PCDHA4: variants seen among roughly 807,000 people sequenced by gnomAD.
PCDHA4 encodes protocadherin alpha-4.
PCDHA4 carries 49 observed loss-of-function variants against 61.4 expected under a neutral mutation model. The ratio of observed to expected loss-of-function variants is 0.80; its 90% CI spans 0.63 to 1.01. The LOEUF (loss-of-function observed/expected upper bound fraction) is 1.01. Ranked by LOEUF, PCDHA4 falls within the 50% of genes least tolerant of loss-of-function variation. The pLI is 0.00. For missense variants in PCDHA4, 1,254 were observed against 1,235.8 expected, an observed-to-expected ratio of 1.01 and a Z score of -0.22; for synonymous variants, 590 against 550.3, an observed-to-expected ratio of 1.07 and a Z score of -1.01.
At chr5:140,944,438 C>T (rs1585166190) in intron 1 of PCDHA4, among the ~76,000 whole-genome samples, 2 of 152,154 alleles carry the variant, frequency 1.3e-5, no homozygotes, top group Non-Finnish European at 2.9e-5. Flanking sequence ...CTGCCTGCCT[C>T]GGCCTCCCAA....
intron 1 of PCDHA4, chr5:140,869,328 G>C: frequency 1.2e-6 from 2 of 1,613,960 alleles, no homozygotes; most frequent in Non-Finnish European, 1.7e-6. Flanking sequence ...GGGACCTTCT[G>C]GAGGTAAATC....
intron 1 of PCDHA4, among the ~76,000 whole-genome samples, chr5:140,965,923 G>T (rs1418904178): frequency 1.3e-5 from 2 of 152,232 alleles, no homozygotes; most frequent in African/African-American, 4.8e-5. Context: ...TTTTAGGCTT[G>T]CTCCCGGAAA....
chr5:140,951,667 C>A (rs180768474), intron 1 of PCDHA4, among the ~76,000 whole-genome samples: 10 of 152,274 alleles, frequency 6.6e-5, no homozygotes, highest in African/African-American at 2.4e-4. Context: ...GGCCTGCCTA[C>A]AAAATTGGGG....
rs2042381743 is a variant in PCDHA4 at position 140,852,581 on chromosome 5, T to A, written c.2385+43009T>A. ...GTGAGCCACTGTGCCAAGGCTTTTTTATTTTTTTTTTTTGTCATTTTCTTT... is the reference window on the plus strand; with the variant it reads ...GTGAGCCACTGTGCCAAGGCTTTTTAATTTTTTTTTTTTGTCATTTTCTTT... On this transcript the variant is annotated intron_variant, in intron 1 of 3. Transcript: ENST00000530339. 5 of 832,294 alleles carry A rather than the reference T, an allele frequency of 6.0e-6. 1 individual carries two copies. The highest frequency in any genetic ancestry group is 7.4e-6 in the Non-Finnish European group (5 of 678,338). 51.6% of individuals were successfully genotyped at this position (832,294 alleles called of 1,614,324 possible). A position where few individuals can be genotyped will look rare whatever the true frequency, so the allele number is the denominator to read the frequency against.
At chr5:140,968,673 A>G in intron 1 of PCDHA4, 2 of 1,614,168 alleles carry the variant, frequency 1.2e-6, no homozygotes, top group Non-Finnish European at 1.7e-6. Context: ...TTTAAGGTAG[A>G]GCTGCACACA....
chr5:141,000,657 A>T (rs1403117310), intron 3 of PCDHA4, among the ~76,000 whole-genome samples: 1 of 151,102 alleles, frequency 6.6e-6, no homozygotes, highest in Non-Finnish European at 1.5e-5. Flanking sequence ...CGAACTCCTG[A>T]CCTCAGGTGA....
chr5:140,877,844 G>A lies in PCDHA4; in HGVS notation c.2385+68272G>A, dbSNP rs945643108. The A allele has an allele frequency of 5.1e-6, 8 of 1,568,656 alleles. No homozygotes were observed. In the African/African-American group the frequency reaches 8.3e-5, roughly 16 times the overall value. ...TGTTTAAATCCTCCCAGTGAAGTAA[G>A]TTATTAATATTATTTAGATATATTT... On this transcript the variant is annotated intron_variant, in intron 1 of 3. Coordinates refer to ENST00000530339, the MANE Select transcript of PCDHA4 (RefSeq NM_018907.4).
intron 1 of PCDHA4, among the ~76,000 whole-genome samples, chr5:140,839,682 A>T (rs916562974): frequency 3.3e-5 from 5 of 152,030 alleles, no homozygotes; most frequent in African/African-American, 4.8e-5. Context: ...AACTACAGAG[A>T]TTTTTTTGGG....
intron 1 of PCDHA4, chr5:140,824,437 G>T: frequency 2.1e-6 from 1 of 479,118 alleles, no homozygotes. Flanking sequence ...CAAAGTTTCA[G>T]TTTATGACTA....
At chr5:140,920,412 ACAGCTGTTCTC>A (rs1294144005) in intron 1 of PCDHA4, among the ~76,000 whole-genome samples, 2 of 152,146 alleles carry the variant, frequency 1.3e-5, no homozygotes, top group African/African-American at 4.8e-5. Context: ...TTAATCAGAT[ACAGCTGTTCTC>A]CCACACACCT....
rs184822768 is a variant in PCDHA4 at position 140,847,338 on chromosome 5, C to A, written c.2385+37766C>A. 45 of 149,900 alleles carry A rather than the reference C, an allele frequency of 3.0e-4. 3 individuals carry two copies. In the Admixed American group the frequency reaches 3.0e-3, roughly 10 times the overall value. The allele number at this position is 149,900 out of a possible 1,614,324, so 9.3% of individuals were successfully genotyped here. On this transcript the variant is annotated intron_variant, in intron 1 of 3. Transcript: ENST00000530339. ...ACAGAAGCAATTGTTAAATGCACCT[C>A]TTAGGCTGTTATCAGTAGAAATACG... is the stretch of plus-strand genomic sequence containing the variant.
intron 1 of PCDHA4, chr5:140,875,643 G>A: frequency 6.2e-7 from 1 of 1,613,696 alleles, no homozygotes; most frequent in Non-Finnish European, 8.5e-7. Flanking sequence ...TGGAGCTGGC[G>A]GAGCTGGTGC....
At chr5:140,867,604 A>C (rs1420460822) in intron 1 of PCDHA4, 1 of 152,164 alleles carries the variant, frequency 6.6e-6, no homozygotes, top group Non-Finnish European at 1.5e-5. Flanking sequence ...GAGATAAACC[A>C]TCAAAACTAT....
At chr5:140,822,610 T>C (rs1767364157) in intron 1 of PCDHA4, 10 of 1,611,874 alleles carry the variant, frequency 6.2e-6, no homozygotes, top group Non-Finnish European at 8.5e-6. Context: ...AATAGTGTAT[T>C]TCTTTAGTAA....
chr5:141,010,381 T>C lies in PCDHA4; in HGVS notation c.*444T>C. On this transcript the variant is annotated 3_prime_UTR_variant, in exon 4 of 4. Transcript: ENST00000530339. ...ACCGCGGGTATGCGAGTGCCAGATA[T>C]TGGCTGAGACGAGCCAGCTTAGACT... 2.8e-6 allele frequency: 4 copies of C among 1,442,848 alleles called. No homozygotes were observed. The highest frequency in any genetic ancestry group is 2.8e-6 in the Non-Finnish European group (3 of 1,086,990). The allele number at this position is 1,442,848 out of a possible 1,614,324, so 89.4% of individuals were successfully genotyped here.
chr5:140,814,233 T>C (rs115891865), intron 1 of PCDHA4: 340 of 152,654 alleles, frequency 2.2e-3, no homozygotes, highest in Non-Finnish European at 4.0e-3. Context: ...TTTGTTGTTG[T>C]TGTTAAAAAT....
intron 1 of PCDHA4, chr5:140,858,620 C>G: frequency 1.8e-6 from 2 of 1,142,316 alleles, no homozygotes; most frequent in East Asian, 5.1e-5. Flanking sequence ...TTATCCTACC[C>G]AGTGTGTCAG....
intron 3 of PCDHA4, among the ~76,000 whole-genome samples, chr5:141,001,278 C>A (rs182360019): frequency 6.6e-6 from 1 of 152,050 alleles, no homozygotes; most frequent in Non-Finnish European, 1.5e-5. Flanking sequence ...ACTTTTTTTA[C>A]GGATGAAAAC....
intron 1 of PCDHA4, chr5:140,851,223 A>C: frequency 8.7e-7 from 1 of 1,147,456 alleles, no homozygotes; most frequent in Admixed American, 4.0e-5. Flanking sequence ...TAACATCACT[A>C]TCATTTATTT....
Sources: gnomAD v4.1 joint callset for allele counts (sites outside exome capture counted in the v4.1 genomes callset) on GRCh38, gnomAD v4.1.1 for gene constraint, MANE v1.5 for transcripts, NCBI Gene and HGNC (gene_info 2026-07-23, HGNC 2026-07-21) for gene names.